The following CLSTN2 variants were observed in gnomAD, a reference collection of about 807,000 sequenced individuals.
CLSTN2 encodes the protein calsyntenin 2.
In CLSTN2, 48 loss-of-function variants were observed where a neutral mutation model predicts 101.2. That is an observed-to-expected ratio of 0.47 (90% confidence interval 0.38 to 0.60). The LOEUF (loss-of-function observed/expected upper bound fraction) is 0.60. Ranked by LOEUF, CLSTN2 falls within the 20% of genes least tolerant of loss-of-function variation. The pLI, the probability that CLSTN2 is intolerant of heterozygous loss-of-function variation, is 0.00. For missense variants in CLSTN2, 1,160 were observed against 1,238.2 expected (o/e 0.94, Z 0.95); for synonymous variants, 481 against 463.6 (o/e 1.04, Z -0.48).
At chr3:140,076,427 G>C (rs548031224) in intron 1 of CLSTN2, among the ~76,000 whole-genome samples, 2 of 151,886 alleles carry the variant, frequency 1.3e-5, no homozygotes, top group Non-Finnish European at 2.9e-5. Flanking sequence ...CATTTTAGTC[G>C]CCACAAGAAG....
intron 2 of CLSTN2, among the ~76,000 whole-genome samples, chr3:140,397,895 G>T (rs184903132): frequency 6.7e-6 from 1 of 148,818 alleles, no homozygotes; most frequent in Non-Finnish European, 1.5e-5. Context: ...TTGTTAAGTG[G>T]TTCCTTCAAA....
At chr3:140,554,123 G>A (rs1486963731) in intron 10 of CLSTN2, among the ~76,000 whole-genome samples, 4 of 152,148 alleles carry the variant, frequency 2.6e-5, no homozygotes, top group Admixed American at 6.5e-5. Flanking sequence ...AAATGATATA[G>A]GAGAAAGGCA....
intron 5 of CLSTN2, among the ~76,000 whole-genome samples, chr3:140,433,957 T>C (rs1397431208): frequency 6.6e-6 from 1 of 152,112 alleles, no homozygotes; most frequent in Non-Finnish European, 1.5e-5. Flanking sequence ...GCTGTGCAGG[T>C]TGATAACATG....
chr3:140,286,299 T>C (rs555001444), intron 2 of CLSTN2, among the ~76,000 whole-genome samples: 34 of 152,114 alleles, frequency 2.2e-4, no homozygotes, highest in African/African-American at 8.2e-4. Context: ...GTGTGGTGTT[T>C]TCAAGGAGAT....
chr3:140,260,968 A>G (rs1163777663), intron 2 of CLSTN2, among the ~76,000 whole-genome samples: 1 of 152,180 alleles, frequency 6.6e-6, no homozygotes, highest in Admixed American at 6.5e-5. Context: ...GGGGTGAGGT[A>G]CCCCTTTTCA....
At chr3:140,561,379 G>A (rs997464317) in intron 12 of CLSTN2, among the ~76,000 whole-genome samples, 3 of 152,096 alleles carry the variant, frequency 2.0e-5, no homozygotes, top group Admixed American at 6.6e-5. Flanking sequence ...TAGGACTGCC[G>A]AACTCTGCCC....
chr3:140,268,343 C>T (rs137923270), intron 2 of CLSTN2, among the ~76,000 whole-genome samples: 159 of 152,296 alleles, frequency 1.0e-3, no homozygotes, highest in African/African-American at 3.6e-3. Context: ...CAGTACAACA[C>T]CCCCTGTTGG....
intron 1 of CLSTN2, among the ~76,000 whole-genome samples, chr3:140,148,991 G>T (rs116345120): frequency 6.6e-6 from 1 of 152,112 alleles, no homozygotes; most frequent in Non-Finnish European, 1.5e-5. Context: ...AGAGAGCGGA[G>T]GTCCTTGAGC....
intron 1 of CLSTN2, among the ~76,000 whole-genome samples, chr3:139,982,161 C>G (rs996188571): frequency 4.0e-4 from 61 of 152,220 alleles, no homozygotes; most frequent in African/African-American, 1.4e-3. Context: ...TTAAAATACA[C>G]AACTAATTTC....
intron 1 of CLSTN2, among the ~76,000 whole-genome samples, chr3:140,089,584 A>ATTTG (rs1338895425): frequency 1.5e-5 from 1 of 67,910 alleles, no homozygotes; most frequent in Non-Finnish European, 2.7e-5. Flanking sequence ...AGCTGGTTTT[A>ATTTG]TTTATTTATT....
At chr3:140,363,834 C>T (rs1273428266) in intron 2 of CLSTN2, among the ~76,000 whole-genome samples, 2 of 152,130 alleles carry the variant, frequency 1.3e-5, no homozygotes, top group East Asian at 1.9e-4. Flanking sequence ...GAGGGGGAAC[C>T]TGGGGGCTAG....
intron 2 of CLSTN2, among the ~76,000 whole-genome samples, chr3:140,323,920 G>A (rs1453954089): frequency 6.6e-6 from 1 of 152,204 alleles, no homozygotes; most frequent in African/African-American, 2.4e-5. Flanking sequence ...TGCAACAGTT[G>A]CGAATGTCAT....
At chr3:139,996,340 T>G (rs923554701) in intron 1 of CLSTN2, among the ~76,000 whole-genome samples, 2 of 152,258 alleles carry the variant, frequency 1.3e-5, no homozygotes, top group Non-Finnish European at 2.9e-5. Context: ...TTTGGGTAGG[T>G]GGCTGTCCAC....
chr3:140,397,053 C>T (rs192547345), intron 2 of CLSTN2, among the ~76,000 whole-genome samples: 1 of 151,854 alleles, frequency 6.6e-6, no homozygotes, highest in Non-Finnish European at 1.5e-5. Flanking sequence ...TGTTCATTCA[C>T]TTAAAAAATA....
At chr3:140,162,849 C>G (rs1054532383) in intron 1 of CLSTN2, among the ~76,000 whole-genome samples, 2 of 152,154 alleles carry the variant, frequency 1.3e-5, no homozygotes, top group African/African-American at 4.8e-5. Flanking sequence ...ATCTTAGAAT[C>G]TAAGGCGTGA....
At chr3:140,003,564 A>G (rs1377444562) in intron 1 of CLSTN2, among the ~76,000 whole-genome samples, 1 of 152,108 alleles carries the variant, frequency 6.6e-6, no homozygotes, top group East Asian at 1.9e-4. Context: ...TTCCAGTACT[A>G]TGTTGAATAA....
chr3:140,456,502 A>AG (rs1340416740), intron 6 of CLSTN2, among the ~76,000 whole-genome samples: 3 of 152,238 alleles, frequency 2.0e-5, no homozygotes, highest in Non-Finnish European at 2.9e-5. Context: ...ATAAAAAATA[A>AG]GGTTATATAG....
chr3:140,420,511 A>G (rs2088489798), intron 4 of CLSTN2, among the ~76,000 whole-genome samples: 1 of 152,210 alleles, frequency 6.6e-6, no homozygotes, highest in Non-Finnish European at 1.5e-5. Flanking sequence ...AAAAACACAC[A>G]AACAACTCAG....
At chr3:140,102,978 A>C (rs1362813524) in intron 1 of CLSTN2, among the ~76,000 whole-genome samples, 1 of 152,174 alleles carries the variant, frequency 6.6e-6, no homozygotes, top group East Asian at 1.9e-4. Context: ...TAAGGATATT[A>C]ATATCTATTT....
Sources: gnomAD v4.1 joint callset for allele counts (sites outside exome capture counted in the v4.1 genomes callset) on GRCh38, gnomAD v4.1.1 for gene constraint, MANE v1.5 for transcripts, NCBI Gene and HGNC (gene_info 2026-07-23, HGNC 2026-07-21) for gene names.